The following FAT1 variants were observed in gnomAD, a reference collection of about 807,000 sequenced individuals.
FAT1 encodes FAT atypical cadherin 1.
FAT1 carries 171 observed loss-of-function variants against 329.8 expected under a neutral mutation model. That is an observed-to-expected ratio of 0.52 (90% CI 0.46 to 0.59). The LOEUF (loss-of-function observed/expected upper bound fraction) is 0.59, where lower values mean the gene tolerates loss of function less well. FAT1 is among the 20% of genes least tolerant of loss of function. The pLI, the probability that FAT1 is intolerant of heterozygous loss-of-function variation, is 0.00. For synonymous variants in FAT1, 2,233 were observed against 2,228.6 expected (o/e 1.00, Z -0.06); for missense variants, 5,672 against 5,774.4 (o/e 0.98, Z 0.57).
intron 1 of FAT1, among the ~76,000 whole-genome samples, chr4:186,717,762 G>C (rs1238271832): frequency 6.6e-6 from 1 of 152,182 alleles, no homozygotes; most frequent in East Asian, 1.9e-4. Context: ...GACAAGACAG[G>C]ACAGGTAGGC....
chr4:186,703,629 C>G (rs1744433127), intron 2 of FAT1, among the ~76,000 whole-genome samples: 1 of 152,212 alleles, frequency 6.6e-6, no homozygotes, highest in African/African-American at 2.4e-5. Context: ...TTAATTAGCG[C>G]AATATTAAAT....
intron 2 of FAT1, among the ~76,000 whole-genome samples, chr4:186,704,551 C>T (rs1042938422): frequency 6.6e-6 from 1 of 152,148 alleles, no homozygotes; most frequent in Non-Finnish European, 1.5e-5. Context: ...TCAACTTTAA[C>T]TTTTAACAGT....
rs1214143258 is a variant in FAT1, at chr4:186,723,855, T to G, written c.-210A>C. ...CCAGCTCGGCGCCGGCGCCTCACGC[T>G]CCCCGAGCGCAGGAGATCCCTCCGC... On this transcript the variant is annotated 5_prime_UTR_variant, in exon 1 of 27. Coordinates refer to ENST00000441802, the MANE Select transcript of FAT1 (RefSeq NM_005245.4). 1 of 145,686 alleles carries G rather than the reference T, an allele frequency of 6.9e-6. No individual in the cohort carries two copies. Among genetic ancestry groups the G allele is most frequent in the African/African-American group, 2.6e-5 (1 of 38,918 alleles). The allele number at this position is 145,686 out of a possible 1,614,324, so 9.0% of individuals were successfully genotyped here.
chr4:186,678,602 T>C (rs1379911455), intron 2 of FAT1, among the ~76,000 whole-genome samples: 1 of 148,690 alleles, frequency 6.7e-6, no homozygotes, highest in Non-Finnish European at 1.5e-5. Flanking sequence ...ATTATTGATA[T>C]TATGTATTAT....
In FAT1 at chr4:186,588,296, T is replaced by C. The variant is rs1184178806; in HGVS notation, c.*296A>G. The C allele has an allele frequency of 8.8e-6, 3 of 339,552 alleles. No individual in the cohort carries two copies. The highest frequency in any genetic ancestry group is 4.4e-5 in the East Asian group (1 of 22,936). The allele number at this position is 339,552 out of a possible 1,614,324, so 21.0% of individuals were successfully genotyped here. A position where few individuals can be genotyped will look rare whatever the true frequency, so the allele number is the denominator to read the frequency against. ...AGGAAAATTAAAATAATCAAATCTA[T>C]ATAAATACATGAATCATGCTGACAA... On this transcript the variant is annotated 3_prime_UTR_variant, in exon 27 of 27. Coordinates refer to ENST00000441802, the MANE Select transcript of FAT1 (RefSeq NM_005245.4).
chr4:186,699,443 T>C (rs1744195407), intron 2 of FAT1, among the ~76,000 whole-genome samples: 1 of 152,206 alleles, frequency 6.6e-6, no homozygotes, highest in Non-Finnish European at 1.5e-5. Flanking sequence ...GATATGGTAC[T>C]GTTGAACTGG....
chr4:186,676,997 A>G (rs1328761531), intron 2 of FAT1, among the ~76,000 whole-genome samples: 1 of 152,196 alleles, frequency 6.6e-6, no homozygotes, highest in Non-Finnish European at 1.5e-5. Flanking sequence ...GTGGTCATGG[A>G]CTGTATGTAT....
intron 2 of FAT1, among the ~76,000 whole-genome samples, chr4:186,684,924 A>G (rs1348266937): frequency 6.6e-6 from 1 of 152,174 alleles, no homozygotes; most frequent in Non-Finnish European, 1.5e-5. Flanking sequence ...TGCCACAACC[A>G]AGTCATGAAT....
chr4:186,589,763 CACAA>C (rs1457421494), intron 26 of FAT1, among the ~76,000 whole-genome samples: 6 of 152,070 alleles, frequency 3.9e-5, no homozygotes, highest in African/African-American at 1.2e-4. Context: ...AACTCCTGGC[CACAA>C]ACAATCTTGC....
intron 16 of FAT1, among the ~76,000 whole-genome samples, chr4:186,606,911 A>G (rs72716250): frequency 0.21 from 32,688 of 152,236 alleles, 4,480 homozygotes; most frequent in Non-Finnish European, 0.31. Flanking sequence ...AGACGCTCCA[A>G]TGAAAAAGAA....
At chr4:186,634,270 G>A (rs916981121) in intron 6 of FAT1, among the ~76,000 whole-genome samples, 2 of 152,216 alleles carry the variant, frequency 1.3e-5, no homozygotes, top group Admixed American at 6.5e-5. Context: ...AAAAATAGCG[G>A]TCGTTAACTT....
At position 186,613,096 on chromosome 4, in the gene FAT1, T is replaced by C. The variant is rs2126473948; in HGVS notation, c.9463+13A>G. 4 of 1,587,242 alleles carry C rather than the reference T, an allele frequency of 2.5e-6. No individual in the cohort carries two copies. The highest frequency in any genetic ancestry group is 3.4e-6 in the Non-Finnish European group (4 of 1,163,932). On this transcript the variant is annotated intron_variant, in intron 13 of 26. Transcript: ENST00000441802. ...AGTGAGCAGCGTCAGGCAAGAGCAT[T>C]CCCGGGAGATACCTGCGTCGGCATC...
intron 1 of FAT1, among the ~76,000 whole-genome samples, chr4:186,710,739 G>A (rs1744910235): frequency 6.6e-6 from 1 of 152,148 alleles, no homozygotes; most frequent in Non-Finnish European, 1.5e-5. Context: ...CCCTCCATGA[G>A]AAGATGACAC....
Position 186,589,290 on chromosome 4 carries a change from G to C in FAT1, c.13139-70C>G, listed in dbSNP as rs542746503. 111 of 1,481,748 alleles carry C rather than the reference G, an allele frequency of 7.5e-5. 2 individuals are homozygous for C. The South Asian group carries it at 1.2e-3, about 16-fold the overall frequency. 91.8% of individuals were successfully genotyped at this position (1,481,748 alleles called of 1,614,324 possible). A position where few individuals can be genotyped will look rare whatever the true frequency, so the allele number is the denominator to read the frequency against. On this transcript the variant is annotated intron_variant, in intron 26 of 26. Coordinates refer to ENST00000441802, the MANE Select transcript of FAT1 (RefSeq NM_005245.4). ...TTTTGTGCCATGGAAAGAGAGCTCAGTGTATCAAAGACACAAAGATGCAAC... is the reference window on the plus strand; with the variant it reads ...TTTTGTGCCATGGAAAGAGAGCTCACTGTATCAAAGACACAAAGATGCAAC...
intron 3 of FAT1, among the ~76,000 whole-genome samples, chr4:186,651,734 C>T (rs981414239): frequency 3.9e-5 from 6 of 152,190 alleles, no homozygotes; most frequent in Non-Finnish European, 4.4e-5. Context: ...CGAGCAAACA[C>T]GCAGCTTCTC....
intron 2 of FAT1, among the ~76,000 whole-genome samples, chr4:186,701,457 C>T (rs1257627893): frequency 6.6e-6 from 1 of 152,202 alleles, no homozygotes; most frequent in African/African-American, 2.4e-5. Flanking sequence ...GCTGCTGCCA[C>T]TTCAGGGAGG....
At chr4:186,683,552 A>T (rs998682824) in intron 2 of FAT1, among the ~76,000 whole-genome samples, 2 of 152,094 alleles carry the variant, frequency 1.3e-5, no homozygotes, top group African/African-American at 4.8e-5. Context: ...ATTTTCCGAA[A>T]GTTTTGCTTT....
At position 186,620,638 on chromosome 4, in the gene FAT1, A is replaced by G. The variant is rs2126517624; in HGVS notation, c.5948T>C (p.Val1983Ala). 6.2e-7 allele frequency: 1 copy of G among 1,614,016 alleles called. No homozygotes were observed. Among genetic ancestry groups the G allele is most frequent in the Non-Finnish European group, 8.5e-7 (1 of 1,179,886 alleles). Reference protein sequence around the residue: ...KESHLKFTQDVYSAVVKENST... With the variant: ...KESHLKFTQDAYSAVVKENST... ...ATTCTCTTTCACTACCGCAGAGTAG[A>G]CATCCTGGGTAAACTTTAGGTGACT... Residue 1983 changes from valine to alanine, a missense_variant, in exon 10 of 27, where the codon GTC (valine) becomes GCC (alanine). By Grantham distance (64) the Val-to-Ala change is moderately conservative. Around this residue, in one of 2 missense-constraint regions of FAT1, gnomAD observed 3,966 missense variants for 3,915.2 expected, o/e 1.01. Coordinates refer to ENST00000441802, the MANE Select transcript of FAT1 (RefSeq NM_005245.4).
intron 2 of FAT1, among the ~76,000 whole-genome samples, chr4:186,697,038 T>C (rs891515301): frequency 6.6e-6 from 1 of 151,522 alleles, no homozygotes; most frequent in African/African-American, 2.4e-5. Context: ...TAGAAAATAA[T>C]TAATTAATTA....
Sources: gnomAD v4.1 joint callset for allele counts (sites outside exome capture counted in the v4.1 genomes callset) on GRCh38, gnomAD v4.1.1 for gene constraint, gnomAD v4.1.1 regional missense constraint, MANE v1.5 for transcripts, NCBI Gene and HGNC (gene_info 2026-07-23, HGNC 2026-07-21) for gene names.